SORCS1: variants seen among roughly 807,000 people sequenced by gnomAD.
SORCS1 encodes the protein VPS10 domain-containing receptor SorCS1.
SORCS1 carries 60 observed loss-of-function variants against 146.1 expected under a neutral mutation model. The observed-to-expected ratio is 0.41, with a 90% CI of 0.33 to 0.51. The LOEUF (loss-of-function observed/expected upper bound fraction) is 0.51, where lower values mean the gene tolerates loss of function less well. Ranked by LOEUF, SORCS1 falls within the 20% of genes least tolerant of loss-of-function variation. The pLI is 0.21. For synonymous variants in SORCS1, 637 were observed against 584.0 expected (o/e 1.09, Z -1.31); for missense variants, 1,352 against 1,487.6 (o/e 0.91, Z 1.50).
intron 1 of SORCS1, among the ~76,000 whole-genome samples, chr10:107,009,645 G>A (rs1364234957): frequency 6.6e-6 from 1 of 152,170 alleles, no homozygotes; most frequent in Non-Finnish European, 1.5e-5. Context: ...TCTGTTTCAT[G>A]TAGTTGCTGG....
At chr10:106,712,483 A>T (rs1390710319) in intron 6 of SORCS1, among the ~76,000 whole-genome samples, 2 of 152,198 alleles carry the variant, frequency 1.3e-5, no homozygotes, top group Non-Finnish European at 2.9e-5. Context: ...TGGAAGGATC[A>T]ATTTCTGTGT....
chr10:107,151,496 G>A lies in SORCS1; in HGVS notation c.558+12473C>T, dbSNP rs1193762036. Among the ~76,000 whole-genome samples the A allele has an allele frequency of 4.6e-5, 7 of 152,192 alleles. No individual in the cohort carries two copies. In the South Asian group the frequency reaches 6.2e-4, roughly 14 times the overall value. ...GGTAAAAGGCATTTTTGGTGGCAGC[G>A]AGAGAAAATGAGGAAGAAGCAAAAG... On this transcript the variant is annotated intron_variant, in intron 1 of 25. Coordinates refer to ENST00000263054, the MANE Select transcript of SORCS1 (RefSeq NM_052918.5).
intron 2 of SORCS1, 99 bp from the exon 3 acceptor site, chr10:106,829,772 G>T (rs1589495120): frequency 2.5e-6 from 2 of 784,850 alleles, no homozygotes. Flanking sequence ...GCTCTCAGGA[G>T]GTTTCTCAAT....
rs1204417107 is a variant in SORCS1 at position 106,872,750 on chromosome 10, G to A, written c.627-43077C>T. Among the ~76,000 whole-genome samples the A allele has an allele frequency of 2.6e-5, 4 of 152,038 alleles. No homozygotes were observed. The South Asian group carries it at 8.3e-4, about 32-fold the overall frequency. On this transcript the variant is annotated intron_variant, in intron 2 of 25. Coordinates refer to ENST00000263054, the MANE Select transcript of SORCS1 (RefSeq NM_052918.5). ...GGAGATATAATCTGAGGTACCAAAA[G>A]ACAAAATTAGATAGGACAGAAATTT...
At chr10:106,886,646 T>C (rs1381370286) in intron 2 of SORCS1, among the ~76,000 whole-genome samples, 1 of 152,224 alleles carries the variant, frequency 6.6e-6, no homozygotes, top group Admixed American at 6.5e-5. Context: ...CCTGAATACC[T>C]ACTCTGCAGG....
chr10:106,956,125 G>A (rs550888236), intron 2 of SORCS1, among the ~76,000 whole-genome samples: 5 of 147,350 alleles, frequency 3.4e-5, no homozygotes, highest in African/African-American at 1.0e-4. Flanking sequence ...CCAAAACTCC[G>A]TCTCAAAAAA....
At chr10:106,621,511 T>A (rs1286386099) in intron 19 of SORCS1, among the ~76,000 whole-genome samples, 1 of 151,678 alleles carries the variant, frequency 6.6e-6, no homozygotes, top group African/African-American at 2.4e-5. Flanking sequence ...CAGACTTTTC[T>A]ACTAGGCAAC....
intron 17 of SORCS1, among the ~76,000 whole-genome samples, chr10:106,659,736 T>A (rs528123001): frequency 1.3e-5 from 2 of 152,152 alleles, no homozygotes; most frequent in African/African-American, 4.8e-5. Context: ...AGGATAAGAA[T>A]TGTTAATGCC....
At chr10:106,970,905 A>ATTTT (rs34657393) in intron 1 of SORCS1, among the ~76,000 whole-genome samples, 1 of 96,486 alleles carries the variant, frequency 1.0e-5, no homozygotes, top group Non-Finnish European at 2.1e-5. Context: ...TGCACAGCTA[A>ATTTT]TTTTTTTTTT....
At chr10:107,083,110 CAAAAAAAAAAA>C (rs538577059) in intron 1 of SORCS1, among the ~76,000 whole-genome samples, 1 of 60,486 alleles carries the variant, frequency 1.7e-5, no homozygotes, top group Non-Finnish European at 3.3e-5. Flanking sequence ...CTCCAACTCA[CAAAAAAAAAAA>C]AAAAAAAAAA....
At chr10:106,578,772 C>CT (rs926334207) in intron 25 of SORCS1, 13 of 1,160,552 alleles carry the variant, frequency 1.1e-5, no homozygotes, top group Admixed American at 4.5e-5. Context: ...GCCTCTCCTT[C>CT]TTATATACTA....
chr10:106,808,651 C>T (rs768782170), intron 3 of SORCS1, among the ~76,000 whole-genome samples: 3 of 152,124 alleles, frequency 2.0e-5, no homozygotes, highest in East Asian at 1.9e-4. Context: ...TACAGGTGCC[C>T]GCCACCTCGC....
intron 18 of SORCS1, among the ~76,000 whole-genome samples, chr10:106,633,910 A>G (rs1341725462): frequency 2.0e-5 from 3 of 152,184 alleles, no homozygotes; most frequent in Admixed American, 1.3e-4. Context: ...AGCCGATGCT[A>G]GGCTGTAGCA....
At chr10:106,721,950 A>C (rs538640071) in intron 6 of SORCS1, among the ~76,000 whole-genome samples, 1 of 152,192 alleles carries the variant, frequency 6.6e-6, no homozygotes, top group Non-Finnish European at 1.5e-5. Flanking sequence ...TGCTAAATTT[A>C]TATGTGCTGA....
At chr10:106,758,941 A>G (rs1858870234) in intron 5 of SORCS1, among the ~76,000 whole-genome samples, 1 of 152,200 alleles carries the variant, frequency 6.6e-6, no homozygotes, top group Non-Finnish European at 1.5e-5. Flanking sequence ...ATGATAGGGG[A>G]AAAAGTGGTA....
At chr10:106,747,320 TGACA>T (rs1411129527) in intron 5 of SORCS1, among the ~76,000 whole-genome samples, 3 of 152,242 alleles carry the variant, frequency 2.0e-5, no homozygotes, top group Non-Finnish European at 2.9e-5. Flanking sequence ...AGACAGATCC[TGACA>T]GACAGACCAA....
At chr10:107,176,104 C>T in the SORCS1 span, among the ~76,000 whole-genome samples, 2 of 152,124 alleles carry the variant, frequency 1.3e-5, no homozygotes, top group Admixed American at 1.3e-4. Context: ...GCATCTCACA[C>T]GTTTTGATAT....
intron 1 of SORCS1, among the ~76,000 whole-genome samples, chr10:107,092,133 A>C (rs1964228432): frequency 6.6e-6 from 1 of 152,256 alleles, no homozygotes. Context: ...AAGCAGGTAC[A>C]TCCATACATC....
chr10:107,141,630 G>A (rs1031058098), intron 1 of SORCS1, among the ~76,000 whole-genome samples: 7 of 152,146 alleles, frequency 4.6e-5, no homozygotes, highest in Non-Finnish European at 8.8e-5. Context: ...CAGTGGTAAC[G>A]GGCATGGGGC....
Sources: allele counts gnomAD v4.1 joint callset (sites outside exome capture counted in the v4.1 genomes callset), GRCh38; gene constraint gnomAD v4.1.1; transcripts MANE v1.5; gene names NCBI Gene and HGNC (gene_info 2026-07-23, HGNC 2026-07-21).